PLK1: variants seen among roughly 807,000 people sequenced by gnomAD.
PLK1 encodes the protein polo like kinase 1, also known as serine/threonine-protein kinase PLK1.
In PLK1, 6 loss-of-function variants were observed where a neutral mutation model predicts 56.7. The observed-to-expected ratio is 0.11, with a 90% CI of 0.06 to 0.21. The LOEUF (loss-of-function observed/expected upper bound fraction) is 0.21. Among genes scored for constraint, PLK1 ranks in the 10% least tolerant of loss-of-function variants. PLK1 has a pLI of 1.00. For missense variants in PLK1, 546 were observed against 814.4 expected (o/e 0.67, Z 4.01); for synonymous variants, 298 against 325.0 (o/e 0.92, Z 0.89).
At position 23,689,569 on chromosome 16, in the gene PLK1, G is replaced by A; in HGVS notation, c.1501G>A (p.Glu501Lys). The A allele has an allele frequency of 1.2e-6, 2 of 1,613,750 alleles. No individual in the cohort carries two copies. Among genetic ancestry groups the A allele is most frequent in the Non-Finnish European group, 1.7e-6 (2 of 1,179,972 alleles). Residue 501 changes from glutamate (E) to lysine (K), a missense_variant, in exon 9 of 10, where the codon GAA (glutamate) becomes AAA (lysine). Around this residue, in one of 7 missense-constraint regions of PLK1, gnomAD observed 113 missense variants for 202.0 expected, o/e 0.56. Transcript: ENST00000300093. This position sits in a 1 kb window ranked among gnomAD's most constrained non-coding sequence, Gnocchi z 4.8. ...GGCAGGTGCCAACATCACGCCGCGC[G>A]AAGGTGATGAGCTCGCCCGGCTGCC... ...LKAGANITPR[E>K]GDELARLPYL... is the part of the protein sequence containing the mutation.
chr16:23,689,784 C>CTGT lies in PLK1; in HGVS notation c.1609-72_1609-70dup, dbSNP rs1959510216. 1 of 1,525,052 alleles carries CTGT rather than the reference C, an allele frequency of 6.6e-7. No homozygotes were observed. Among genetic ancestry groups the CTGT allele is most frequent in the African/African-American group, 1.4e-5 (1 of 73,416 alleles). 94.5% of individuals were successfully genotyped at this position (1,525,052 alleles called of 1,614,324 possible). ...AGTGAGCGGCTCAGGTACCTATAAC[C>CTGT]TGTTGTGTCTTCCCTCTACTCCCTA... On this transcript the variant is annotated intron_variant, in intron 9 of 9. Coordinates refer to ENST00000300093, the MANE Select transcript of PLK1 (RefSeq NM_005030.6). This position sits in a 1 kb window ranked among gnomAD's most constrained non-coding sequence, Gnocchi z 4.8.
Position 23,687,536 on chromosome 16 carries a change from G to A in PLK1, c.1104G>A (p.Glu368=), listed in dbSNP as rs767390088. The A allele has an allele frequency of 3.7e-6, 6 of 1,604,846 alleles. No individual in the cohort carries two copies. Among genetic ancestry groups the A allele is most frequent in the Non-Finnish European group, 4.3e-6 (5 of 1,174,746 alleles). ...KEEPVVRETG[E]VVDCHLSDML... is the part of the protein sequence containing the mutation. The stretch of plus-strand genomic sequence containing the variant: ...AACCAGTGGTTCGAGAGACAGGTGA[G>A]GTGGTCGACTGCCACCTCAGTGACA... Residue 368 remains glutamate (E), a synonymous_variant, in exon 6 of 10, where the codon GAG becomes GAA. Transcript: ENST00000300093.
chr16:23,681,084 A>G (rs40076), intron 3 of PLK1, 26 bp downstream of exon 3: 384,340 of 1,605,048 alleles, frequency 0.24, 47,965 homozygotes, highest in East Asian at 0.45. Context: ...TCTCTGGACC[A>G]ACCTGGTCTC....
intron 4 of PLK1, among the ~76,000 whole-genome samples, chr16:23,683,556 C>T (rs1326053069): frequency 1.3e-5 from 2 of 152,090 alleles, no homozygotes; most frequent in East Asian, 3.9e-4. Context: ...ATAATAGATC[C>T]CCACCCCTTA....
intron 2 of PLK1, among the ~76,000 whole-genome samples, chr16:23,680,597 A>G (rs1157556593): frequency 6.6e-6 from 1 of 152,116 alleles, no homozygotes; most frequent in African/African-American, 2.4e-5. Context: ...ACTCCTCCCT[A>G]TTCTTCACAG....
At chr16:23,681,128 G>C in intron 3 of PLK1, 70 bp downstream of exon 3, 1 of 1,407,294 alleles carries the variant, frequency 7.1e-7, no homozygotes. Flanking sequence ...CTACCTGGCT[G>C]ACCTTTTCTG....
Position 23,690,094 on chromosome 16 carries a change from C to T in PLK1, c.*31C>T, listed in dbSNP as rs764357662. Reference sequence around the variant, plus strand: ...GCCCTCCCCTCCGGACTGGTGCCCTCCTCACTCCCACCTGCATCTGGGGCC... The same window carrying T: ...GCCCTCCCCTCCGGACTGGTGCCCTTCTCACTCCCACCTGCATCTGGGGCC... On this transcript the variant is annotated 3_prime_UTR_variant, in exon 10 of 10. Transcript: ENST00000300093. 2.7e-5 allele frequency: 42 copies of T among 1,543,694 alleles called. 1 individual carries two copies. Among genetic ancestry groups the T allele is most frequent in the Middle Eastern group, 3.4e-4 (2 of 5,952 alleles).
At chr16:23,687,380 C>T in intron 5 of PLK1, 89 bp from the exon 6 acceptor site, 1 of 1,130,102 alleles carries the variant, frequency 8.8e-7, no homozygotes, top group Non-Finnish European at 1.2e-6. Flanking sequence ...GCAGTGGTAG[C>T]TAAGAGAATT....
At position 23,687,591 on chromosome 16, in the gene PLK1, T is replaced by C; in HGVS notation, c.1159T>C (p.Ser387Pro). The C allele has an allele frequency of 6.3e-7, 1 of 1,597,352 alleles. No homozygotes were observed. The highest frequency in any genetic ancestry group is 8.6e-7 in the Non-Finnish European group (1 of 1,169,444). Residue 387 changes from serine (S) to proline (P), a missense_variant, in exon 6 of 10, where the codon TCC (serine) becomes CCC (proline). Transcript: ENST00000300093. ...MLQQLHSVNA[S>P]KPSERGLVRQ... ...GCAGCAGCTGCACAGTGTCAATGCC[T>C]CCAAGCCCTCGGAGCGTGGGCTGGT...
rs1275646491 is a variant in PLK1 at position 23,683,927 on chromosome 16, G to T, written c.874G>T (p.Ala292Ser). The T allele has an allele frequency of 6.2e-7, 1 of 1,614,068 alleles. No homozygotes were observed. Among genetic ancestry groups the T allele is most frequent in the Admixed American group, 1.7e-5 (1 of 60,000 alleles). ...IQKMLQTDPT[A>S]RPTINELLND... The stretch of plus-strand genomic sequence containing the variant: ...GAAGATGCTTCAGACAGATCCCACT[G>T]CCCGCCCAACCATTAACGAGCTGCT... Residue 292 changes from alanine to serine, a missense_variant, in exon 5 of 10, where the codon GCC becomes TCC. Transcript: ENST00000300093.
chr16:23,683,607 C>T (rs181443225), intron 4 of PLK1, among the ~76,000 whole-genome samples: 11 of 152,216 alleles, frequency 7.2e-5, no homozygotes, highest in East Asian at 3.9e-4. Context: ...CACAGGAGTG[C>T]TTAGAATGCT....
chr16:23,682,135 A>G lies in PLK1; in HGVS notation c.794A>G (p.Lys265Arg), dbSNP rs376917678. 1.1e-5 allele frequency: 18 copies of G among 1,584,230 alleles called. No homozygotes were observed. Among genetic ancestry groups the G allele is most frequent in the Non-Finnish European group, 1.6e-5 (18 of 1,152,806 alleles). ...CLKETYLRIK[K>R]NEYSIPKHIN... ...AAAGAGACCTACCTCCGGATCAAGA[A>G]GAATGAATACAGTATTCCCAAGGTG... Residue 265 changes from lysine to arginine, a missense_variant, in exon 4 of 10, where the codon AAG (lysine) becomes AGG (arginine). Coordinates refer to ENST00000300093, the MANE Select transcript of PLK1 (RefSeq NM_005030.6).
At position 23,682,164 on chromosome 16, in the gene PLK1, AATG is replaced by A. The variant is rs550155362; in HGVS notation, c.816+11_816+13del. 3.6e-5 allele frequency: 50 copies of A among 1,400,690 alleles called. No homozygotes were observed. Among genetic ancestry groups the A allele is most frequent in the Non-Finnish European group, 5.1e-5 (50 of 986,072 alleles). The allele number at this position is 1,400,690 out of a possible 1,614,324, so 86.8% of individuals were successfully genotyped here. ...TGAATACAGTATTCCCAAGGTGACT[AATG>A]ATGCTTTAAGTTTACATTTATTTTG... On this transcript the variant is annotated splice_region_variant and intron_variant, in intron 4 of 9. Coordinates refer to ENST00000300093, the MANE Select transcript of PLK1 (RefSeq NM_005030.6).
chr16:23,687,496 C>T lies in PLK1; in HGVS notation c.1064C>T (p.Pro355Leu), dbSNP rs747122668. ...TTGGAGAACCCCCTGCCTGAGCGTC[C>T]CCGGGAAAAAGAAGAACCAGTGGTT... ...KGLENPLPER[P>L]REKEEPVVRE... is the part of the protein sequence containing the mutation. Residue 355 changes from proline (P) to leucine (L), a missense_variant, in exon 6 of 10, where the codon CCC becomes CTC. Around this residue, in one of 7 missense-constraint regions of PLK1, gnomAD observed 157 missense variants for 184.0 expected, o/e 0.85. Transcript: ENST00000300093. 1.3e-6 allele frequency: 2 copies of T among 1,593,308 alleles called. No individual in the cohort carries two copies. The highest frequency in any genetic ancestry group is 1.3e-5 in the African/African-American group (1 of 74,300).
chr16:23,690,347 A>G lies in PLK1; in HGVS notation c.*284A>G, dbSNP rs1959532932. On this transcript the variant is annotated 3_prime_UTR_variant, in exon 10 of 10. Transcript: ENST00000300093. ...CTGTCCTTTCCTTGGCTTTATGCAC[A>G]TTAAACAGATGTGAATATTCTTTTT... The G allele has an allele frequency of 1.1e-5, 6 of 545,216 alleles. No individual in the cohort carries two copies. The highest frequency in any genetic ancestry group is 1.9e-5 in the African/African-American group (1 of 53,176). 33.8% of individuals were successfully genotyped at this position (545,216 alleles called of 1,614,324 possible).
At position 23,679,030 on chromosome 16, in the gene PLK1, C is replaced by T. The variant is rs774608785; in HGVS notation, c.98C>T (p.Ala33Val). Residue 33 changes from alanine (A) to valine (V), a missense_variant, in exon 1 of 10, where the codon GCG (alanine) becomes GTG (valine). Transcript: ENST00000300093. ...PGVAAPGAPA[A>V]APPAKEIPEV... The stretch of plus-strand genomic sequence containing the variant: ...GTTGCAGCTCCCGGAGCTCCGGCGG[C>T]GGCTCCACCGGCGAAAGAGATCCCG... 2.5e-6 allele frequency: 4 copies of T among 1,607,632 alleles called. No homozygotes were observed. In the African/African-American group the frequency reaches 5.3e-5, roughly 21 times the overall value.
rs534620948 is a variant in PLK1 at position 23,689,468 on chromosome 16, G to A, written c.1426-26G>A. On this transcript the variant is annotated intron_variant, in intron 8 of 9. Transcript: ENST00000300093. This position sits in a 1 kb window ranked among gnomAD's most constrained non-coding sequence, Gnocchi z 4.8. ...GCTGGAGGATCAGACTCTAATTCTG[G>A]AACCCCTTACCTACTTTTCATCCAG... The A allele has an allele frequency of 6.2e-7, 1 of 1,600,048 alleles. No homozygotes were observed. The highest frequency in any genetic ancestry group is 1.7e-5 in the Admixed American group (1 of 59,764).
chr16:23,680,306 T>G (rs1220501111), intron 2 of PLK1, 54 bp downstream of exon 2: 1 of 1,518,806 alleles, frequency 6.6e-7, no homozygotes, highest in Non-Finnish European at 9.1e-7. Flanking sequence ...GGCTGGAATT[T>G]GGAGGAGGCT....
At chr16:23,685,797 C>T (rs1959418736) in intron 5 of PLK1, among the ~76,000 whole-genome samples, 1 of 152,104 alleles carries the variant, frequency 6.6e-6, no homozygotes. Flanking sequence ...AGTGATCCTC[C>T]TCGGCCTCCC....
Sources: allele counts gnomAD v4.1 joint callset (sites outside exome capture counted in the v4.1 genomes callset), GRCh38; gene constraint gnomAD v4.1.1; regional missense constraint gnomAD v4.1.1; non-coding constraint Gnocchi (gnomAD v3.1); transcripts MANE v1.5; gene names NCBI Gene and HGNC (gene_info 2026-07-23, HGNC 2026-07-21).